CHRDL1: variants seen among roughly 807,000 people sequenced by gnomAD.
CHRDL1 encodes chordin-like protein 1.
A neutral mutation model predicts 40.9 loss-of-function variants in CHRDL1; 19 were observed. The observed-to-expected ratio is 0.46, with a 90% CI of 0.32 to 0.68. The LOEUF (loss-of-function observed/expected upper bound fraction) is 0.68, where lower values mean the gene tolerates loss of function less well. Ranked by LOEUF, CHRDL1 falls within the 30% of genes least tolerant of loss-of-function variation. CHRDL1 has a pLI of 0.03. For missense variants in CHRDL1, 329 were observed against 352.1 expected (o/e 0.93, Z 0.53); for synonymous variants, 136 against 123.4 (o/e 1.10, Z -0.68).
intron 2 of CHRDL1, among the ~76,000 whole-genome samples, chrX:110,777,926 A>C (rs2089878388): frequency 9.0e-6 from 1 of 111,147 alleles, no homozygotes; most frequent in African/African-American, 3.3e-5. Context: ...AATTGCCCAG[A>C]ACAGAATAAG....
At chrX:110,766,105 G>A (rs1418937805) in intron 2 of CHRDL1, among the ~76,000 whole-genome samples, 1 of 111,745 alleles carries the variant, frequency 8.9e-6, no homozygotes, top group African/African-American at 3.3e-5. Flanking sequence ...AGCATTGGGT[G>A]AAAAACAAAA....
intron 4 of CHRDL1, among the ~76,000 whole-genome samples, chrX:110,742,009 C>T (rs2071370287): frequency 8.9e-6 from 1 of 111,943 alleles, no homozygotes; most frequent in East Asian, 2.8e-4. Context: ...AGGGCAAAGG[C>T]CTGGGGTGGA....
chrX:110,773,375 T>A (rs1401907105), intron 2 of CHRDL1, among the ~76,000 whole-genome samples: 1 of 111,970 alleles, frequency 8.9e-6, no homozygotes, highest in Non-Finnish European at 1.9e-5. Flanking sequence ...CTCTAAATAG[T>A]TTGGAATTGT....
chrX:110,736,745 A>G (rs2071271467), intron 4 of CHRDL1, among the ~76,000 whole-genome samples: 1 of 111,730 alleles, frequency 9.0e-6, no homozygotes, highest in African/African-American at 3.3e-5. Context: ...AGAGGCAAAA[A>G]GAGTCTGAGG....
intron 4 of CHRDL1, among the ~76,000 whole-genome samples, chrX:110,756,473 G>T (rs1186372852): frequency 9.0e-6 from 1 of 110,710 alleles, no homozygotes; most frequent in African/African-American, 3.3e-5. Flanking sequence ...AAAAAACACT[G>T]ATTGTCCAAG....
chrX:110,791,404 C>A (rs1215569149), intron 2 of CHRDL1, among the ~76,000 whole-genome samples: 1 of 111,756 alleles, frequency 8.9e-6, no homozygotes, highest in Non-Finnish European at 1.9e-5. Context: ...ATCTCCTAAA[C>A]GTGGCAGCAA....
intron 2 of CHRDL1, among the ~76,000 whole-genome samples, chrX:110,771,939 G>T (rs2089767779): frequency 9.0e-6 from 1 of 111,357 alleles, no homozygotes; most frequent in African/African-American, 3.3e-5. Context: ...TTACTATAGA[G>T]AATTTATAAA....
At chrX:110,775,310 A>C (rs972768730) in intron 2 of CHRDL1, among the ~76,000 whole-genome samples, 1 of 111,400 alleles carries the variant, frequency 9.0e-6, no homozygotes, top group Admixed American at 9.6e-5. Context: ...GAGGTGAAAT[A>C]AAATTTTTCT....
chrX:110,676,230 C>A lies in CHRDL1; in HGVS notation c.*1G>T. The A allele has an allele frequency of 8.3e-7, 1 of 1,208,677 alleles. No individual in the cohort carries two copies. Among genetic ancestry groups the A allele is most frequent in the South Asian group, 1.8e-5 (1 of 56,591 alleles). The stretch of plus-strand genomic sequence containing the variant: ...ACCCTATCCAATACTGTCTGTCTTG[C>A]CTAACAGTGGCCCTTTTCAGATCTC... On this transcript the variant is annotated 3_prime_UTR_variant, in exon 12 of 12. Transcript: ENST00000372042.
At chrX:110,757,271 G>C (rs2089471630) in intron 4 of CHRDL1, among the ~76,000 whole-genome samples, 1 of 110,190 alleles carries the variant, frequency 9.1e-6, no homozygotes, top group South Asian at 3.8e-4. Context: ...AGAGAAATTT[G>C]ACTCCTTTGG....
intron 9 of CHRDL1, among the ~76,000 whole-genome samples, chrX:110,688,335 A>G (rs1007751183): frequency 1.8e-5 from 2 of 111,866 alleles, no homozygotes; most frequent in Non-Finnish European, 3.8e-5. Context: ...ATTCTCTACT[A>G]TTTAGAAAAG....
intron 5 of CHRDL1, 113 bp downstream of exon 5, chrX:110,721,272 G>C (rs2070945435): frequency 8.1e-6 from 6 of 736,321 alleles, no homozygotes; most frequent in Non-Finnish European, 1.2e-5. Flanking sequence ...TTTAATGCAA[G>C]TCATGTTTTA....
chrX:110,689,084 A>G (rs1446004210), intron 8 of CHRDL1, among the ~76,000 whole-genome samples: 14 of 82,856 alleles, frequency 1.7e-4, no homozygotes, highest in African/African-American at 6.3e-4. Flanking sequence ...ATATATATAT[A>G]TATATATATA....
chrX:110,741,063 G>T lies in CHRDL1; in HGVS notation c.301+18598C>A, dbSNP rs185412177. On this transcript the variant is annotated intron_variant, in intron 4 of 11. Coordinates refer to ENST00000372042, the MANE Select transcript of CHRDL1 (RefSeq NM_001143981.2). ...AGAAGCCAAAGGAAAACAGATCCATGGAGGGTCTGGAAAAGAAATCCAATG... is the reference window on the plus strand; with the variant it reads ...AGAAGCCAAAGGAAAACAGATCCATTGAGGGTCTGGAAAAGAAATCCAATG... 1.2e-4 allele frequency among the ~76,000 whole-genome samples: 13 copies of T among 111,742 alleles called. No individual in the cohort carries two copies. The East Asian group carries it at 3.7e-3, about 32-fold the overall frequency.
At chrX:110,684,511 A>G (rs1358078775) in intron 9 of CHRDL1, among the ~76,000 whole-genome samples, 1 of 111,613 alleles carries the variant, frequency 9.0e-6, no homozygotes, top group African/African-American at 3.3e-5. Flanking sequence ...TACTCCTTTA[A>G]AAGTGCTTCC....
At chrX:110,695,746 C>A (rs1010661850) in intron 7 of CHRDL1, among the ~76,000 whole-genome samples, 2 of 111,800 alleles carry the variant, frequency 1.8e-5, no homozygotes, top group African/African-American at 6.5e-5. Flanking sequence ...CACAGACAGG[C>A]ATGTTGCAAA....
rs746916331 is a variant in CHRDL1 at position 110,768,948 on chromosome X, T to A, written c.95-6141A>T. Among the ~76,000 whole-genome samples the A allele has an allele frequency of 3.6e-5, 4 of 111,475 alleles. No homozygotes were observed. The South Asian group carries it at 1.5e-3, about 42-fold the overall frequency. On this transcript the variant is annotated intron_variant, in intron 2 of 11. Transcript: ENST00000372042. ...AACCCTGACTAATACAACTCCCAAC[T>A]AACTCAAACCACTCACTCTCCTTTG... is the stretch of plus-strand genomic sequence containing the variant.
chrX:110,775,663 A>C (rs751218821), intron 2 of CHRDL1, among the ~76,000 whole-genome samples: 2 of 111,744 alleles, frequency 1.8e-5, no homozygotes, highest in Non-Finnish European at 3.8e-5. Flanking sequence ...ATCCCCTGAC[A>C]GTCTCTGTCT....
chrX:110,787,387 G>T (rs191583409), intron 2 of CHRDL1, among the ~76,000 whole-genome samples: 103 of 111,586 alleles, frequency 9.2e-4, no homozygotes, highest in Non-Finnish European at 5.1e-4. Flanking sequence ...AAAACCTACT[G>T]CCCCCTCACC....
Sources: gnomAD v4.1 joint callset for allele counts (sites outside exome capture counted in the v4.1 genomes callset) on GRCh38, gnomAD v4.1.1 for gene constraint, MANE v1.5 for transcripts, NCBI Gene and HGNC (gene_info 2026-07-23, HGNC 2026-07-21) for gene names.